CLDN18: variants seen among roughly 807,000 people sequenced by gnomAD.
CLDN18 encodes the protein claudin 18.
In CLDN18, 20 loss-of-function variants were observed where a neutral mutation model predicts 25.0. The observed-to-expected ratio is 0.80, with a 90% CI of 0.56 to 1.16. The LOEUF (loss-of-function observed/expected upper bound fraction) is 1.16. CLDN18 is among the 50% of genes most tolerant of loss of function. CLDN18 has a pLI of 0.00. For missense variants in CLDN18, 297 were observed against 345.4 expected (o/e 0.86, Z 1.11); for synonymous variants, 125 against 135.6 (o/e 0.92, Z 0.54).
At chr3:138,005,971 A>C (rs780847740), upstream of CLDN18, among the ~76,000 whole-genome samples, 47 of 152,218 alleles carry the variant, frequency 3.1e-4, no homozygotes, top group Non-Finnish European at 4.6e-4. Context: ...ACTCATATTA[A>C]ATGATGTTTA....
At chr3:138,028,317 G>C (rs562073746) in intron 3 of CLDN18, among the ~76,000 whole-genome samples, 1 of 151,990 alleles carries the variant, frequency 6.6e-6, no homozygotes, top group African/African-American at 2.4e-5. Context: ...TGCCTGCCTC[G>C]GCCTCCCAAA....
At chr3:138,018,428 C>T (rs941962840) in intron 1 of CLDN18, among the ~76,000 whole-genome samples, 1 of 150,660 alleles carries the variant, frequency 6.6e-6, no homozygotes, top group African/African-American at 2.4e-5. Flanking sequence ...GCTCCGCCTC[C>T]CGGGTTCACG....
Position 138,024,619 on chromosome 3 carries a change from T to G in CLDN18, c.398T>G (p.Ile133Ser). The G allele has an allele frequency of 6.2e-7, 1 of 1,610,090 alleles. No individual in the cohort carries two copies. Among genetic ancestry groups the G allele is most frequent in the Non-Finnish European group, 8.5e-7 (1 of 1,176,296 alleles). Residue 133 changes from isoleucine (I) to serine (S), a missense_variant, in exon 3 of 5, where the codon ATT becomes AGT. By Grantham distance (142) the Ile-to-Ser change is moderately radical. Coordinates refer to ENST00000183605, the MANE Select transcript of CLDN18 (RefSeq NM_016369.4). The stretch of plus-strand genomic sequence containing the variant: ...TCTTTGCCCACAGGTCTTTGTGCAA[T>G]TGCTGGAGTGTCTGTGTTTGCCAAC... ...IMFIVSGLCA[I>S]AGVSVFANML...
At chr3:138,011,855 T>A (rs989275857) in intron 1 of CLDN18, among the ~76,000 whole-genome samples, 3 of 152,278 alleles carry the variant, frequency 2.0e-5, no homozygotes, top group Middle Eastern at 3.4e-3. Context: ...CAAACCCCAT[T>A]GCGTCCACTG....
chr3:137,998,909 C>T (rs1278153754), exon 1 of CLDN18: 1 of 1,614,136 alleles, frequency 6.2e-7, no homozygotes, highest in Non-Finnish European at 8.5e-7. Context: ...TTCGTGGTTT[C>T]ACTGATTGGG....
chr3:138,023,680 C>T lies in CLDN18; in HGVS notation c.243C>T (p.Ala81=), dbSNP rs199724224. The T allele has an allele frequency of 1.1e-5, 17 of 1,613,972 alleles. No homozygotes were observed. The highest frequency in any genetic ancestry group is 1.4e-5 in the Non-Finnish European group (16 of 1,179,986). ...CAGCCATGCTGCAGGCAGTGCGAGC[C>T]CTGATGATCGTAGGCATCGTCCTGG... ...GLPAMLQAVR[A]LMIVGIVLGA... The change falls in exon 2 of 5, where the codon GCC becomes GCT. Residue 81 remains alanine (A), a synonymous_variant. Coordinates refer to ENST00000183605, the MANE Select transcript of CLDN18 (RefSeq NM_016369.4).
upstream of CLDN18, among the ~76,000 whole-genome samples, chr3:138,006,757 C>T (rs911375842): frequency 6.6e-6 from 1 of 152,148 alleles, no homozygotes; most frequent in African/African-American, 2.4e-5. Context: ...GTATTTATTT[C>T]ACACAGAAGA....
chr3:138,021,980 A>G (rs1345773389), intron 1 of CLDN18, among the ~76,000 whole-genome samples: 1 of 152,198 alleles, frequency 6.6e-6, no homozygotes, highest in African/African-American at 2.4e-5. Context: ...AATAATAACA[A>G]TGGTGCTGGG....
intron 1 of CLDN18, among the ~76,000 whole-genome samples, chr3:138,015,834 C>G (rs1385226715): frequency 6.6e-6 from 1 of 152,202 alleles, no homozygotes; most frequent in Non-Finnish European, 1.5e-5. Flanking sequence ...TTTCATTCGT[C>G]TGACAAAAAT....
rs1942123428 is a variant in CLDN18, at chr3:138,010,457, G to GC, written c.220+13dup. Reference sequence around the variant, plus strand: ...CCTGGGACTTCCAGGTAGGCACCGTGCACCCCGGGGTAGAGCCAGGTGAAC... The same window carrying GC: ...CCTGGGACTTCCAGGTAGGCACCGTGCCACCCCGGGGTAGAGCCAGGTGAAC... On this transcript the variant is annotated intron_variant, in intron 1 of 4. Transcript: ENST00000183605. 6.2e-7 allele frequency: 1 copy of GC among 1,613,944 alleles called. No homozygotes were observed. The highest frequency in any genetic ancestry group is 1.3e-5 in the African/African-American group (1 of 74,948).
In CLDN18 at chr3:138,032,080, T is replaced by G. The variant is rs1439103391; in HGVS notation, c.*939T>G. On this transcript the variant is annotated 3_prime_UTR_variant, in exon 5 of 5. Transcript: ENST00000183605. Reference sequence around the variant, plus strand: ...TGATCCTAATTCTTTCCCTTTGAGGTCTCTATGGCTCTGATTGTACATGAT... The same window carrying G: ...TGATCCTAATTCTTTCCCTTTGAGGGCTCTATGGCTCTGATTGTACATGAT... 1 of 152,164 alleles carries G rather than the reference T, an allele frequency of 6.6e-6. No individual in the cohort carries two copies. Among genetic ancestry groups the G allele is most frequent in the Non-Finnish European group, 1.5e-5 (1 of 68,038 alleles). The allele number at this position is 152,164 out of a possible 1,614,324, so 9.4% of individuals were successfully genotyped here.
At chr3:138,011,227 T>C (rs1314674389) in intron 1 of CLDN18, among the ~76,000 whole-genome samples, 1 of 152,220 alleles carries the variant, frequency 6.6e-6, no homozygotes, top group Non-Finnish European at 1.5e-5. Flanking sequence ...TAGCTCTAGC[T>C]AATTAGTGGC....
At chr3:138,007,899 C>A (rs901163503), upstream of CLDN18, among the ~76,000 whole-genome samples, 3 of 152,146 alleles carry the variant, frequency 2.0e-5, no homozygotes, top group African/African-American at 7.2e-5. Context: ...TGTAACAACT[C>A]AAGGGACACA....
In CLDN18 at chr3:138,030,976, A is replaced by T; in HGVS notation, c.621A>T (p.Lys207Asn). ...RGLAPEETNYKAVSYHASGHS... is the reference protein window; with the variant it reads ...RGLAPEETNYNAVSYHASGHS... ...ATGTTTATTTTTCTTTCAGCTACAA[A>T]GCCGTTTCTTATCATGCCTCAGGCC... is the stretch of plus-strand genomic sequence containing the variant. Residue 207 changes from lysine (K) to asparagine (N), a missense_variant, in exon 5 of 5, where the codon AAA (lysine) becomes AAT (asparagine). By Grantham distance (94) the Lys-to-Asn change is moderately conservative. Coordinates refer to ENST00000183605, the MANE Select transcript of CLDN18 (RefSeq NM_016369.4). The T allele has an allele frequency of 6.2e-7, 1 of 1,610,968 alleles. No individual in the cohort carries two copies. The highest frequency in any genetic ancestry group is 8.5e-7 in the Non-Finnish European group (1 of 1,178,498).
intron 1 of CLDN18, among the ~76,000 whole-genome samples, chr3:138,021,931 A>G (rs1942274710): frequency 6.6e-6 from 1 of 152,156 alleles, no homozygotes; most frequent in African/African-American, 2.4e-5. Context: ...CAGAACCCCA[A>G]CCTGAATTAG....
intron 3 of CLDN18, among the ~76,000 whole-genome samples, chr3:138,026,050 T>C (rs1445805658): frequency 2.6e-5 from 4 of 152,134 alleles, no homozygotes; most frequent in East Asian, 3.9e-4. Flanking sequence ...GGCAGCTGTC[T>C]TTCCCTTTCT....
chr3:138,023,560 G>A (rs1942292818), intron 1 of CLDN18, 98 bp from the exon 2 acceptor site: 1 of 1,186,236 alleles, frequency 8.4e-7, no homozygotes, highest in Non-Finnish European at 1.2e-6. Flanking sequence ...GTTTGGTGCA[G>A]GTTAGTTGTG....
intron 1 of CLDN18, among the ~76,000 whole-genome samples, chr3:138,019,976 C>T (rs1942252683): frequency 6.6e-6 from 1 of 152,198 alleles, no homozygotes; most frequent in African/African-American, 2.4e-5. Context: ...TGTTGACTCA[C>T]CTGTTATCAG....
In CLDN18 at chr3:138,010,383, G is replaced by A; in HGVS notation, c.158G>A (p.Cys53Tyr). 3.7e-6 allele frequency: 6 copies of A among 1,614,260 alleles called. No homozygotes were observed. The African/African-American group carries it at 4.0e-5, about 11-fold the overall frequency. ...CAGTACGAAGGGCTCTGGAGGAGCT[G>A]CGTGAGGCAGAGTTCAGGCTTCACC... ...VFQYEGLWRSCVRQSSGFTEC... is the reference protein window; with the variant it reads ...VFQYEGLWRSYVRQSSGFTEC... The change falls in exon 1 of 5, where the codon TGC (cysteine) becomes TAC (tyrosine). Residue 53 changes from cysteine (C) to tyrosine (Y), a missense_variant. Physicochemically the swap from Cys to Tyr is radical, Grantham distance 194. Coordinates refer to ENST00000183605, the MANE Select transcript of CLDN18 (RefSeq NM_016369.4).
Sources: allele counts gnomAD v4.1 joint callset (sites outside exome capture counted in the v4.1 genomes callset), GRCh38; gene constraint gnomAD v4.1.1; transcripts MANE v1.5; gene names NCBI Gene and HGNC (gene_info 2026-07-23, HGNC 2026-07-21).